The following USH2A variants were observed in gnomAD, a reference collection of about 807,000 sequenced individuals.
The protein encoded by USH2A is usherin, also known as Usher syndrome 2A (autosomal recessive, mild).
USH2A carries 443 observed loss-of-function variants against 538.9 expected under a neutral mutation model. The observed-to-expected ratio is 0.82, with a 90% CI of 0.76 to 0.89. The LOEUF (loss-of-function observed/expected upper bound fraction) is 0.89, where lower values mean the gene tolerates loss of function less well. Among genes scored for constraint, USH2A ranks in the 40% least tolerant of loss-of-function variants. USH2A has a pLI of 0.00. For synonymous variants in USH2A, 2,413 were observed against 2,273.5 expected (o/e 1.06, Z -1.75); for missense variants, 6,633 against 6,324.8 (o/e 1.05, Z -1.65).
chr1:216,343,546 G>C (rs1247760037), intron 4 of USH2A, among the ~76,000 whole-genome samples: 1 of 146,408 alleles, frequency 6.8e-6, no homozygotes, highest in Non-Finnish European at 1.5e-5. Context: ...AAAAAAGACA[G>C]TATTTTGACA....
intron 21 of USH2A, among the ~76,000 whole-genome samples, chr1:216,101,005 G>A (rs2032564838): frequency 6.6e-6 from 1 of 152,234 alleles, no homozygotes; most frequent in African/African-American, 2.4e-5. Context: ...TGGAATTGAT[G>A]GTGTATGTGA....
chr1:216,031,777 AT>A (rs1478938444), intron 32 of USH2A, among the ~76,000 whole-genome samples: 1 of 152,172 alleles, frequency 6.6e-6, no homozygotes, highest in Non-Finnish European at 1.5e-5. Context: ...GCTTCTCACT[AT>A]TGATTACTTA....
At chr1:216,046,784 T>C (rs1368215000) in intron 31 of USH2A, among the ~76,000 whole-genome samples, 192 bp from the exon 32 acceptor site, 1 of 152,184 alleles carries the variant, frequency 6.6e-6, no homozygotes, top group East Asian at 1.9e-4. Flanking sequence ...TGAGAATTTG[T>C]GTCAATGATG....
At chr1:216,087,582 C>G (rs923722490) in intron 23 of USH2A, among the ~76,000 whole-genome samples, 1 of 151,996 alleles carries the variant, frequency 6.6e-6, no homozygotes, top group Non-Finnish European at 1.5e-5. Context: ...ACTCAAGCAG[C>G]CATAGATAAT....
chr1:216,404,339 T>C (rs1342862266), intron 3 of USH2A, among the ~76,000 whole-genome samples: 3 of 152,166 alleles, frequency 2.0e-5, no homozygotes, highest in Non-Finnish European at 4.4e-5. Flanking sequence ...AAAAGGTTTA[T>C]TATTTTTTGT....
At chr1:215,728,588 C>CACACACAT (rs1299584133) in intron 60 of USH2A, among the ~76,000 whole-genome samples, 5 of 151,952 alleles carry the variant, frequency 3.3e-5, no homozygotes, top group African/African-American at 1.2e-4. Context: ...AGTTGACACA[C>CACACACAT]ACACACACAC....
chr1:215,773,522 C>CTG (rs1291400164), intron 55 of USH2A, among the ~76,000 whole-genome samples: 5 of 150,730 alleles, frequency 3.3e-5, no homozygotes, highest in African/African-American at 1.2e-4. Context: ...GTCTCTCTCT[C>CTG]TCTCTCTCTC....
At chr1:216,167,406 G>A (rs1175736112) in intron 21 of USH2A, among the ~76,000 whole-genome samples, 1 of 152,112 alleles carries the variant, frequency 6.6e-6, no homozygotes, top group African/African-American at 2.4e-5. Context: ...TCAGGAGATG[G>A]GTGAGTGGGC....
At chr1:216,051,034 C>T (rs555263396) in intron 30 of USH2A, among the ~76,000 whole-genome samples, 12 of 152,332 alleles carry the variant, frequency 7.9e-5, no homozygotes, top group Non-Finnish European at 1.5e-4. Flanking sequence ...TTCTCCTAAA[C>T]TACCGAGAAC....
chr1:216,387,481 GA>G, intron 3 of USH2A, among the ~76,000 whole-genome samples: 1 of 152,090 alleles, frequency 6.6e-6, no homozygotes, highest in Non-Finnish European at 1.5e-5. Flanking sequence ...AACTATCCAA[GA>G]CCAATATTGT....
intron 47 of USH2A, among the ~76,000 whole-genome samples, chr1:215,833,558 A>G (rs1392987997): frequency 6.6e-6 from 1 of 152,056 alleles, no homozygotes; most frequent in East Asian, 1.9e-4. Flanking sequence ...AACCAATCAT[A>G]GACATAAATT....
chr1:215,890,487 G>T (rs1665180171), intron 40 of USH2A, among the ~76,000 whole-genome samples: 1 of 152,112 alleles, frequency 6.6e-6, no homozygotes, highest in Non-Finnish European at 1.5e-5. Context: ...CGAAGCAAAA[G>T]ATGTTATAGT....
intron 62 of USH2A, among the ~76,000 whole-genome samples, chr1:215,677,332 C>A (rs751565328): frequency 5.9e-5 from 9 of 152,152 alleles, no homozygotes; most frequent in Non-Finnish European, 1.3e-4. Flanking sequence ...TCTCCCTCTA[C>A]TGGTTATTTC....
intron 9 of USH2A, among the ~76,000 whole-genome samples, chr1:216,306,756 G>C (rs1293881661): frequency 2.0e-5 from 3 of 152,190 alleles, no homozygotes; most frequent in African/African-American, 4.8e-5. Flanking sequence ...GGGTGCTCCA[G>C]GATGTGCCTT....
intron 22 of USH2A, 42 bp downstream of exon 22, chr1:216,097,041 C>T (rs571986176): frequency 2.5e-6 from 4 of 1,570,052 alleles, no homozygotes; most frequent in South Asian, 1.1e-5. Context: ...CAGGCACCTA[C>T]TAAATTCTTA....
intron 61 of USH2A, among the ~76,000 whole-genome samples, chr1:215,698,067 A>G (rs1257353849): frequency 6.6e-6 from 1 of 152,080 alleles, no homozygotes; most frequent in Non-Finnish European, 1.5e-5. Context: ...TATGAGTGAG[A>G]ACATGTGGTG....
At chr1:216,200,299 T>G (rs968159567) in intron 16 of USH2A, among the ~76,000 whole-genome samples, 178 bp from the exon 17 acceptor site, 12 of 152,216 alleles carry the variant, frequency 7.9e-5, no homozygotes, top group Non-Finnish European at 1.8e-4. Context: ...GTTGATTGCT[T>G]TTATTATTGA....
At chr1:215,881,588 T>C (rs908706152) in intron 41 of USH2A, among the ~76,000 whole-genome samples, 1 of 152,236 alleles carries the variant, frequency 6.6e-6, no homozygotes, top group Non-Finnish European at 1.5e-5. Flanking sequence ...CTTTTGTATA[T>C]CCATTGTACA....
intron 70 of USH2A, among the ~76,000 whole-genome samples, chr1:215,631,627 C>T (rs2102628356): frequency 6.6e-6 from 1 of 152,296 alleles, no homozygotes. Context: ...TGGTGTATCC[C>T]AGATTTCACT....
Sources: allele counts gnomAD v4.1 joint callset (sites outside exome capture counted in the v4.1 genomes callset), GRCh38; gene constraint gnomAD v4.1.1; transcripts MANE v1.5; gene names NCBI Gene and HGNC (gene_info 2026-07-23, HGNC 2026-07-21).